Variants in MEGF11 observed in about 807,000 individuals in gnomAD.
MEGF11 encodes the protein multiple EGF like domains 11.
Under a neutral mutation model 146.6 loss-of-function variants are expected in MEGF11, and 126 were observed. The ratio of observed to expected loss-of-function variants is 0.86; its 90% CI spans 0.74 to 1.00. MEGF11 has a LOEUF of 1.00. MEGF11 is among the 50% of genes least tolerant of loss of function. The pLI, the probability that MEGF11 is intolerant of heterozygous loss-of-function variation, is 0.00. For missense variants in MEGF11, 1,509 were observed against 1,521.2 expected, an observed-to-expected ratio of 0.99 and a Z score of 0.13; for synonymous variants, 532 against 583.4, an observed-to-expected ratio of 0.91 and a Z score of 1.27.
chr15:66,179,375 C>T (rs891734641), intron 1 of MEGF11, among the ~76,000 whole-genome samples: 1 of 152,156 alleles, frequency 6.6e-6, no homozygotes, highest in African/African-American at 2.4e-5. Context: ...TCAGGTGATC[C>T]ACCTGCCTCA....
At chr15:66,069,960 T>A (rs2085296100) in intron 5 of MEGF11, among the ~76,000 whole-genome samples, 1 of 152,196 alleles carries the variant, frequency 6.6e-6, no homozygotes, top group Non-Finnish European at 1.5e-5. Context: ...TGGAATAGAT[T>A]TGGCCCATGG....
At chr15:66,140,782 G>T (rs2089109443) in intron 1 of MEGF11, among the ~76,000 whole-genome samples, 1 of 152,224 alleles carries the variant, frequency 6.6e-6, no homozygotes, top group South Asian at 2.1e-4. Flanking sequence ...GCAGGCTTGG[G>T]AGAGCAGGCA....
chr15:66,223,143 A>G (rs1359239240), intron 1 of MEGF11, among the ~76,000 whole-genome samples: 2 of 152,254 alleles, frequency 1.3e-5, no homozygotes, highest in Non-Finnish European at 2.9e-5. Context: ...ACAAAGTGAA[A>G]TATTATTTGG....
intron 1 of MEGF11, among the ~76,000 whole-genome samples, chr15:66,155,590 A>T (rs1432274518): frequency 6.6e-6 from 1 of 151,986 alleles, no homozygotes; most frequent in African/African-American, 2.4e-5. Flanking sequence ...CCAGCGTCCT[A>T]CTCAATCTCT....
chr15:66,143,939 G>A (rs2089268801), intron 1 of MEGF11, among the ~76,000 whole-genome samples: 1 of 152,138 alleles, frequency 6.6e-6, no homozygotes, highest in South Asian at 2.1e-4. Flanking sequence ...GGGACAGAGG[G>A]GGCAAGAGGC....
chr15:65,997,873 G>A (rs182109745), intron 5 of MEGF11, among the ~76,000 whole-genome samples: 12 of 152,288 alleles, frequency 7.9e-5, no homozygotes, highest in East Asian at 3.9e-4. Context: ...CAGAGAGGTC[G>A]CTCTGAGAAG....
At chr15:66,107,220 G>A (rs754672947) in intron 4 of MEGF11, among the ~76,000 whole-genome samples, 2 of 152,186 alleles carry the variant, frequency 1.3e-5, no homozygotes, top group Non-Finnish European at 2.9e-5. Flanking sequence ...ATGGACAGCT[G>A]AGCAAGGCTC....
intron 4 of MEGF11, among the ~76,000 whole-genome samples, chr15:66,099,009 G>A (rs2086665221): frequency 6.6e-6 from 1 of 152,138 alleles, no homozygotes; most frequent in Non-Finnish European, 1.5e-5. Flanking sequence ...TTTAATTGCT[G>A]TGGCCACATT....
intron 5 of MEGF11, among the ~76,000 whole-genome samples, chr15:66,075,533 C>T (rs2085539039): frequency 1.3e-5 from 2 of 152,202 alleles, no homozygotes; most frequent in South Asian, 4.1e-4. Context: ...TGGCCCCAAG[C>T]CTCTCGACTC....
intron 1 of MEGF11, 100 bp from the exon 2 acceptor site, chr15:66,128,511 A>C: frequency 5.1e-6 from 3 of 589,608 alleles, no homozygotes; most frequent in Non-Finnish European, 8.0e-6. Context: ...TTGATATTTC[A>C]CATTGCAGGC....
intron 5 of MEGF11, among the ~76,000 whole-genome samples, chr15:66,074,236 A>G (rs548218345): frequency 2.6e-5 from 4 of 152,312 alleles, no homozygotes; most frequent in African/African-American, 9.6e-5. Flanking sequence ...ATTATTTTGC[A>G]TGCTTTTACA....
intron 1 of MEGF11, 46 bp downstream of exon 1, chr15:66,253,559 G>A (rs1282029880): frequency 7.8e-6 from 1 of 128,094 alleles, no homozygotes; most frequent in East Asian, 2.6e-4. Context: ...TGGTGCCCCC[G>A]GCGTCCGAGA....
At chr15:65,924,252 G>C (rs1412250442) in intron 13 of MEGF11, among the ~76,000 whole-genome samples, 1 of 151,778 alleles carries the variant, frequency 6.6e-6, no homozygotes, top group Non-Finnish European at 1.5e-5. Context: ...TCATCCTCCT[G>C]TTCCTCAGTC....
At chr15:65,977,165 T>TAAAAAAAAAAAAAAAAAAA (rs1567185883) in intron 7 of MEGF11, among the ~76,000 whole-genome samples, 1 of 16,676 alleles carries the variant, frequency 6.0e-5, no homozygotes, top group Non-Finnish European at 2.7e-4. Context: ...AGACTCCGTC[T>TAAAAAAAAAAAAAAAAAAA]CAAAAAAAAA....
chr15:66,124,802 C>T (rs1022758377), intron 2 of MEGF11, among the ~76,000 whole-genome samples: 5 of 152,236 alleles, frequency 3.3e-5, no homozygotes, highest in African/African-American at 1.2e-4. Context: ...AGCCTTTCTA[C>T]CTGCTGGCCC....
At chr15:66,038,976 A>G (rs769595662) in intron 5 of MEGF11, among the ~76,000 whole-genome samples, 1 of 152,168 alleles carries the variant, frequency 6.6e-6, no homozygotes, top group Non-Finnish European at 1.5e-5. Context: ...AGTCTAGGGA[A>G]TGGTTCTCAA....
At chr15:66,196,497 GTGGGATTTGGGATATTA>G (rs1444690902) in intron 1 of MEGF11, among the ~76,000 whole-genome samples, 1 of 152,024 alleles carries the variant, frequency 6.6e-6, no homozygotes, top group Non-Finnish European at 1.5e-5. Context: ...TGGTGGTGAG[GTGGGATTTGGGATATTA>G]TCCTAAGTGT....
intron 1 of MEGF11, among the ~76,000 whole-genome samples, chr15:66,161,185 A>G (rs988217604): frequency 2.0e-5 from 3 of 152,218 alleles, no homozygotes; most frequent in Non-Finnish European, 2.9e-5. Context: ...AGGATCTCAG[A>G]AAATCTTGAC....
intron 5 of MEGF11, among the ~76,000 whole-genome samples, chr15:66,075,418 T>C (rs2085533264): frequency 6.6e-6 from 1 of 152,156 alleles, no homozygotes; most frequent in South Asian, 2.1e-4. Flanking sequence ...AGCACTGGCT[T>C]TATGGAAGGA....
Sources: allele counts gnomAD v4.1 joint callset (sites outside exome capture counted in the v4.1 genomes callset), GRCh38; gene constraint gnomAD v4.1.1; transcripts MANE v1.5; gene names NCBI Gene and HGNC (gene_info 2026-07-23, HGNC 2026-07-21).